Variants in OR2L13 observed in about 807,000 individuals in gnomAD.
The protein encoded by OR2L13 is olfactory receptor 2L13.
OR2L13 carries 14 observed loss-of-function variants against 15.3 expected under a neutral mutation model. The ratio of observed to expected loss-of-function variants is 0.91; its 90% CI spans 0.60 to 1.43. OR2L13 has a LOEUF of 1.43. Among genes scored for constraint, OR2L13 ranks in the 40% most tolerant of loss-of-function variants. The pLI, the probability that OR2L13 is intolerant of heterozygous loss-of-function variation, is 0.00. For synonymous variants in OR2L13, 152 were observed against 142.9 expected, an observed-to-expected ratio of 1.06 and a Z score of -0.45; for missense variants, 367 against 387.9, an observed-to-expected ratio of 0.95 and a Z score of 0.45.
the OR2L13 span, chr1:248,003,830 A>G: frequency 1.1e-5 from 17 of 1,613,634 alleles, no homozygotes; most frequent in Non-Finnish European, 1.4e-5. Context: ...AGAAGGGAAG[A>G]AGAAGGCCTA....
the OR2L13 span, among the ~76,000 whole-genome samples, chr1:247,976,370 G>A: frequency 3.7e-3 from 558 of 152,184 alleles, 3 homozygotes; most frequent in African/African-American, 0.013. Flanking sequence ...ATACAGCTTG[G>A]GTTGGGGTCA....
At chr1:247,983,590 A>G in the OR2L13 span, among the ~76,000 whole-genome samples, 5 of 150,946 alleles carry the variant, frequency 3.3e-5, no homozygotes, top group South Asian at 1.0e-3. Context: ...ATGTCCTTAA[A>G]TTACTTAGAC....
At chr1:247,943,447 G>C in the OR2L13 span, among the ~76,000 whole-genome samples, 1 of 152,048 alleles carries the variant, frequency 6.6e-6, no homozygotes, top group South Asian at 2.1e-4. Context: ...ATCTGTTCAG[G>C]TGTCTGCTTT....
chr1:248,093,398 T>C (rs953028398), upstream of OR2L13, among the ~76,000 whole-genome samples: 3 of 152,186 alleles, frequency 2.0e-5, no homozygotes, highest in Non-Finnish European at 2.9e-5. Context: ...GTATGGATCT[T>C]ACAGGGACGG....
chr1:248,049,345 T>C, the OR2L13 span, among the ~76,000 whole-genome samples: 1 of 152,222 alleles, frequency 6.6e-6, no homozygotes, highest in East Asian at 1.9e-4. Context: ...ATGATGCTTT[T>C]TGACTTCAAA....
chr1:248,058,607 G>T, the OR2L13 span, among the ~76,000 whole-genome samples: 1 of 151,716 alleles, frequency 6.6e-6, no homozygotes, highest in East Asian at 1.9e-4. Flanking sequence ...GTAATATTTA[G>T]AATTTTTAGG....
chr1:247,953,132 ATTGTTTATGAG>A, the OR2L13 span, among the ~76,000 whole-genome samples: 1 of 152,160 alleles, frequency 6.6e-6, no homozygotes, highest in African/African-American at 2.4e-5. Context: ...CATTTACTAC[ATTGTTTATGAG>A]AATGTACTCC....
chr1:248,056,146 T>G, the OR2L13 span, among the ~76,000 whole-genome samples: 1 of 152,176 alleles, frequency 6.6e-6, no homozygotes, highest in African/African-American at 2.4e-5. Context: ...TTGTGTTCAT[T>G]GGAATCTTCT....
At chr1:247,990,834 G>C in the OR2L13 span, 1 of 1,585,192 alleles carries the variant, frequency 6.3e-7, no homozygotes, top group South Asian at 1.1e-5. Context: ...TAGCCTGCAC[G>C]GATACCTGGG....
At chr1:248,089,161 C>T in the OR2L13 span, among the ~76,000 whole-genome samples, 110 of 152,074 alleles carry the variant, frequency 7.2e-4, no homozygotes, top group African/African-American at 1.6e-3. Flanking sequence ...CTGGCTGGAA[C>T]GAAGCATGGA....
upstream of OR2L13, among the ~76,000 whole-genome samples, chr1:248,096,514 G>T (rs1452618054): frequency 2.0e-5 from 3 of 152,192 alleles, no homozygotes; most frequent in Non-Finnish European, 4.4e-5. Flanking sequence ...AGGGCGTGAG[G>T]GCTCTCCATG....
the OR2L13 span, among the ~76,000 whole-genome samples, chr1:248,018,381 T>A: frequency 1.3e-5 from 2 of 152,156 alleles, no homozygotes; most frequent in Admixed American, 6.5e-5. Flanking sequence ...TAATTACAAA[T>A]AGCACCTATT....
the OR2L13 span, among the ~76,000 whole-genome samples, chr1:248,068,661 C>T: frequency 5.2e-4 from 79 of 152,166 alleles, 1 homozygote; most frequent in African/African-American, 1.5e-3. Flanking sequence ...AGCCTTCAGA[C>T]GATCAAACTA....
chr1:248,081,244 A>C, the OR2L13 span, among the ~76,000 whole-genome samples: 1 of 152,074 alleles, frequency 6.6e-6, no homozygotes, highest in African/African-American at 2.4e-5. Flanking sequence ...AATTATTTAA[A>C]ATTTTTATTT....
the OR2L13 span, among the ~76,000 whole-genome samples, chr1:248,033,468 ACT>A: frequency 6.6e-6 from 1 of 151,028 alleles, no homozygotes; most frequent in East Asian, 1.9e-4. Flanking sequence ...ACAGGGTCTC[ACT>A]CTGTCACACA....
chr1:248,060,968 G>A, the OR2L13 span: 1 of 1,614,040 alleles, frequency 6.2e-7, no homozygotes, highest in Non-Finnish European at 8.5e-7. Context: ...TTCACTGGGT[G>A]TGGGATTCAG....
At chr1:248,022,366 A>AT in the OR2L13 span, 1 of 1,614,144 alleles carries the variant, frequency 6.2e-7, no homozygotes, top group East Asian at 2.2e-5. Flanking sequence ...AAAAGAATGT[A>AT]TGTGCTGATG....
At chr1:247,963,516 ATC>A in the OR2L13 span, among the ~76,000 whole-genome samples, 16 of 152,172 alleles carry the variant, frequency 1.1e-4, no homozygotes, top group Non-Finnish European at 2.1e-4. Context: ...CTGAATTCCT[ATC>A]TCAGGAATAT....
chr1:248,075,554 G>A, the OR2L13 span, among the ~76,000 whole-genome samples: 18 of 152,308 alleles, frequency 1.2e-4, no homozygotes, highest in Middle Eastern at 3.4e-3. Flanking sequence ...TCTAACTGGC[G>A]TGAGATGGTA....
Sources: allele counts gnomAD v4.1 joint callset (sites outside exome capture counted in the v4.1 genomes callset), GRCh38; gene constraint gnomAD v4.1.1; transcripts MANE v1.5; gene names NCBI Gene and HGNC (gene_info 2026-07-23, HGNC 2026-07-21).